The following GRM4 variants were observed in gnomAD, a reference collection of about 807,000 sequenced individuals.
GRM4 encodes the protein metabotropic glutamate receptor 4.
GRM4 carries 28 observed loss-of-function variants against 81.7 expected under a neutral mutation model. The observed-to-expected ratio is 0.34, with a 90% CI of 0.25 to 0.47. The LOEUF is 0.47. Among genes scored for constraint, GRM4 ranks in the 20% least tolerant of loss-of-function variants. The pLI, the probability that GRM4 is intolerant of heterozygous loss-of-function variation, is 1.00. For synonymous variants in GRM4, 488 were observed against 528.8 expected, an observed-to-expected ratio of 0.92 and a Z score of 1.06; for missense variants, 948 against 1,290.0, an observed-to-expected ratio of 0.73 and a Z score of 4.06.
chr6:34,106,881 G>A (rs942069543), intron 2 of GRM4, among the ~76,000 whole-genome samples: 1 of 152,238 alleles, frequency 6.6e-6, no homozygotes, highest in Non-Finnish European at 1.5e-5. Context: ...GCTTTCACCT[G>A]CTTCTCATTA....
At position 34,103,855 on chromosome 6, in the gene GRM4, G is replaced by A. The variant is rs543783934; in HGVS notation, c.520-11756C>T. 71 of 1,416,326 alleles carry A rather than the reference G, an allele frequency of 5.0e-5. No individual in the cohort carries two copies. The African/African-American group carries it at 8.4e-4, about 17-fold the overall frequency. The allele number at this position is 1,416,326 out of a possible 1,614,324, so 87.7% of individuals were successfully genotyped here. A position where few individuals can be genotyped will look rare whatever the true frequency, so the allele number is the denominator to read the frequency against. On this transcript the variant is annotated intron_variant, in intron 2 of 10. Transcript: ENST00000538487. ...AAGACTGGGATGTGTCAGGCACTGC[G>A]AGGGTCCCGAGGGAGAATGAGTGTT...
chr6:34,044,551 C>A lies in GRM4; in HGVS notation c.1169-3803G>T, dbSNP rs200108026. Among the ~76,000 whole-genome samples the A allele has an allele frequency of 8.3e-5, 12 of 145,184 alleles. 2 individuals carry two copies. The East Asian group carries it at 2.5e-3, about 30-fold the overall frequency. On this transcript the variant is annotated intron_variant, in intron 6 of 10. Coordinates refer to ENST00000538487, the MANE Select transcript of GRM4 (RefSeq NM_000841.4). Reference sequence around the variant, plus strand: ...ATACACATATATACAGACACACACACAAACACACAGACATACATACACATA... The same window carrying A: ...ATACACATATATACAGACACACACAAAAACACACAGACATACATACACATA...
intron 3 of GRM4, among the ~76,000 whole-genome samples, chr6:34,065,707 G>A (rs572944834): frequency 6.6e-5 from 10 of 152,250 alleles, no homozygotes; most frequent in South Asian, 4.1e-4. Context: ...GCGTCTGCTC[G>A]CCGGCCAGGG....
Position 34,142,552 on chromosome 6 carries a change from AG to A in GRM4, c.-364+3447del, listed in dbSNP as rs1770735122. Among the ~76,000 whole-genome samples the A allele has an allele frequency of 3.3e-5, 5 of 152,258 alleles. No homozygotes were observed. In the South Asian group the frequency reaches 1.0e-3, roughly 32 times the overall value. On this transcript the variant is annotated intron_variant, in intron 1 of 10. Transcript: ENST00000538487. ...TTTGCTGCCAGCTGTCCCCCGCAGC[AG>A]GGTGGGGATGGGTGTGGCCACACAT... is the stretch of plus-strand genomic sequence containing the variant.
At chr6:34,025,202 T>A (rs1330673871) in intron 10 of GRM4, among the ~76,000 whole-genome samples, 2 of 152,158 alleles carry the variant, frequency 1.3e-5, no homozygotes, top group Non-Finnish European at 2.9e-5. Flanking sequence ...GGCTTCCAAC[T>A]GCCTCCAACA....
intron 2 of GRM4, among the ~76,000 whole-genome samples, chr6:34,119,819 G>A (rs541204953): frequency 2.6e-4 from 39 of 152,334 alleles, no homozygotes; most frequent in Middle Eastern, 3.4e-3. Flanking sequence ...CCCAGCAGGT[G>A]CTGCAGCTTT....
chr6:34,022,997 G>A lies in GRM4; in HGVS notation c.2690-127C>T. 1.3e-6 allele frequency: 1 copy of A among 776,808 alleles called. No homozygotes were observed. The highest frequency in any genetic ancestry group is 2.3e-6 in the Non-Finnish European group (1 of 443,464). The allele number at this position is 776,808 out of a possible 1,614,324, so 48.1% of individuals were successfully genotyped here. Reference sequence around the variant, plus strand: ...CCCGCCTCTCATGGCATCCAGTCCTGAGCTGAGCAATCGACACTGCCCCAA... The same window carrying A: ...CCCGCCTCTCATGGCATCCAGTCCTAAGCTGAGCAATCGACACTGCCCCAA... On this transcript the variant is annotated intron_variant, in intron 10 of 10. Transcript: ENST00000538487. The surrounding 1 kb of genome is among the most constrained non-coding windows in gnomAD (Gnocchi z 5.6).
chr6:34,148,073 G>A (rs1017942300), upstream of GRM4, among the ~76,000 whole-genome samples: 4 of 132,740 alleles, frequency 3.0e-5, no homozygotes, highest in East Asian at 2.2e-4. Flanking sequence ...CAGCTGTGTC[G>A]CAGAAGGCTG....
chr6:34,105,281 A>G (rs1441622675), intron 2 of GRM4, among the ~76,000 whole-genome samples: 1 of 151,978 alleles, frequency 6.6e-6, no homozygotes, highest in African/African-American at 2.4e-5. Context: ...GGGGGCTTCC[A>G]CTGGGGAAAA....
chr6:34,133,553 C>T lies in GRM4; in HGVS notation c.-57G>A, dbSNP rs1770336595. On this transcript the variant is annotated 5_prime_UTR_variant, in exon 2 of 11. Coordinates refer to ENST00000538487, the MANE Select transcript of GRM4 (RefSeq NM_000841.4). This position sits in a 1 kb window ranked among gnomAD's most constrained non-coding sequence, Gnocchi z 6.5. The stretch of plus-strand genomic sequence containing the variant: ...GGCCCACTCCTAGCCCTGGCAGGCC[C>T]CTGGCCCCACGGCCTGGGTGGGCAT... 1 of 1,500,440 alleles carries T rather than the reference C, an allele frequency of 6.7e-7. No individual in the cohort carries two copies. The highest frequency in any genetic ancestry group is 1.4e-5 in the South Asian group (1 of 74,020). The allele number at this position is 1,500,440 out of a possible 1,614,324, so 92.9% of individuals were successfully genotyped here. A position where few individuals can be genotyped will look rare whatever the true frequency, so the allele number is the denominator to read the frequency against.
At chr6:34,145,559 AATG>A (rs1437632783) in intron 1 of GRM4, among the ~76,000 whole-genome samples, 4 of 152,166 alleles carry the variant, frequency 2.6e-5, no homozygotes, top group Admixed American at 6.5e-5. Flanking sequence ...CAGGAAAAAA[AATG>A]AGAGCGAGCT....
In GRM4 at chr6:34,136,364, T is replaced by C. The variant is rs1244619311; in HGVS notation, c.-363-2505A>G. ...TGAGTTTATGATCGGTTTCCATGAA[T>C]TTCAAACAGAGGGCTTTTTGGCATC... On this transcript the variant is annotated intron_variant, in intron 1 of 10. Coordinates refer to ENST00000538487, the MANE Select transcript of GRM4 (RefSeq NM_000841.4). The surrounding 1 kb of genome is among the most constrained non-coding windows in gnomAD (Gnocchi z 4.1). Among the ~76,000 whole-genome samples, 1 of 152,040 alleles carries C rather than the reference T, an allele frequency of 6.6e-6. No homozygotes were observed. The highest frequency in any genetic ancestry group is 1.9e-4 in the East Asian group (1 of 5,170).
rs924034242 is a variant in GRM4 at position 34,092,437 on chromosome 6, A to G, written c.520-338T>C. Among the ~76,000 whole-genome samples, 1 of 152,288 alleles carries G rather than the reference A, an allele frequency of 6.6e-6. No homozygotes were observed. Among genetic ancestry groups the G allele is most frequent in the East Asian group, 1.9e-4 (1 of 5,174 alleles). ...AATCCCCACATACGTGAGATGATTC[A>G]GCCTGGGGATGGGGTGGGATTTGGG... On this transcript the variant is annotated intron_variant, in intron 2 of 10. Coordinates refer to ENST00000538487, the MANE Select transcript of GRM4 (RefSeq NM_000841.4). This position sits in a 1 kb window ranked among gnomAD's most constrained non-coding sequence, Gnocchi z 6.8.
intron 10 of GRM4, among the ~76,000 whole-genome samples, chr6:34,026,058 A>T (rs1764117923): frequency 6.6e-6 from 1 of 152,158 alleles, no homozygotes; most frequent in Admixed American, 6.5e-5. Context: ...AGGCGCAGAT[A>T]ACAATTAGCC....
chr6:34,154,863 CCGCGCGCCCGAG>C (rs1771115613), intron 1 of GRM4, among the ~76,000 whole-genome samples: 1 of 152,208 alleles, frequency 6.6e-6, no homozygotes. Flanking sequence ...GCCTCGATTC[CCGCGCGCCCGAG>C]CGCGAGCCTA....
intron 10 of GRM4, among the ~76,000 whole-genome samples, chr6:34,025,059 G>T (rs542548582): frequency 2.6e-5 from 4 of 152,294 alleles, no homozygotes; most frequent in South Asian, 2.1e-4. Flanking sequence ...CGGGAGCCGA[G>T]ATTCTAGTTG....
intron 1 of GRM4, among the ~76,000 whole-genome samples, chr6:34,145,261 G>A (rs1032974433): frequency 6.6e-6 from 1 of 151,706 alleles, no homozygotes; most frequent in Non-Finnish European, 1.5e-5. Flanking sequence ...CCGGAGTCCG[G>A]GACGCAGCAG....
At chr6:34,040,340 C>T (rs758847425) in intron 7 of GRM4, 26 bp from the exon 8 acceptor site, 2 of 1,611,876 alleles carry the variant, frequency 1.2e-6, no homozygotes. Context: ...GGTGTCTTTG[C>T]AGAGCCTTTA....
chr6:34,132,441 AC>A (rs1391189797), intron 2 of GRM4, among the ~76,000 whole-genome samples: 2 of 152,190 alleles, frequency 1.3e-5, no homozygotes, highest in Non-Finnish European at 2.9e-5. Flanking sequence ...TTCCTCAACT[AC>A]CCAGAAGAAA....
Sources: allele counts gnomAD v4.1 joint callset (sites outside exome capture counted in the v4.1 genomes callset), GRCh38; gene constraint gnomAD v4.1.1; non-coding constraint Gnocchi (gnomAD v3.1); transcripts MANE v1.5; gene names NCBI Gene and HGNC (gene_info 2026-07-23, HGNC 2026-07-21).